RBFOX1: variants seen among roughly 807,000 people sequenced by gnomAD.
The protein encoded by RBFOX1 is RNA binding fox-1 homolog 1.
A neutral mutation model predicts 57.7 loss-of-function variants in RBFOX1; 8 were observed. The observed-to-expected ratio is 0.14, with a 90% CI of 0.08 to 0.25. RBFOX1 has a LOEUF of 0.25. Ranked by LOEUF, RBFOX1 falls within the 10% of genes least tolerant of loss-of-function variation. The pLI is 1.00. For synonymous variants in RBFOX1, 326 were observed against 222.4 expected (o/e 1.47, Z -4.15); for missense variants, 611 against 548.5 (o/e 1.11, Z -1.14).
chr16:6,092,975 C>T (rs529251941), intron 1 of RBFOX1: 4 of 152,122 alleles, frequency 2.6e-5, no homozygotes, highest in Non-Finnish European at 5.9e-5. Context: ...ATGTTTATCA[C>T]CTGGGTGACA....
chr16:7,306,167 G>C (rs988893059), intron 4 of RBFOX1, among the ~76,000 whole-genome samples: 1 of 152,010 alleles, frequency 6.6e-6, no homozygotes, highest in South Asian at 2.1e-4. Flanking sequence ...GGTGGTGTTT[G>C]TGTTTTTTTC....
chr16:6,810,669 C>T (rs1374500313), intron 3 of RBFOX1, among the ~76,000 whole-genome samples: 1 of 151,956 alleles, frequency 6.6e-6, no homozygotes, highest in African/African-American at 2.4e-5. Context: ...TTCCACATGG[C>T]TGGGAAGTCC....
At chr16:5,807,860 A>T (rs2055283966) in intron 3 of RBFOX1, among the ~76,000 whole-genome samples, 2 of 152,164 alleles carry the variant, frequency 1.3e-5, no homozygotes, top group African/African-American at 4.8e-5. Flanking sequence ...TCTGGACCAC[A>T]CTTTGAGGAG....
intron 3 of RBFOX1, among the ~76,000 whole-genome samples, chr16:5,654,767 T>G (rs2049369847): frequency 6.6e-6 from 1 of 151,706 alleles, no homozygotes; most frequent in Non-Finnish European, 1.5e-5. Context: ...TTTCCCTTCC[T>G]CCTTCCTCCT....
At position 6,637,300 on chromosome 16, in the gene RBFOX1, CA is replaced by C. The variant is rs1178704449; in HGVS notation, c.-63-17300del. Among the ~76,000 whole-genome samples the C allele has an allele frequency of 4.8e-3, 246 of 50,746 alleles. 64 individuals are homozygous for C. The highest frequency in any genetic ancestry group is 0.029 in the African/African-American group (241 of 8,416). The allele number at this position is 50,746 out of a possible 152,430, so 33.3% of individuals were successfully genotyped here. On this transcript the variant is annotated intron_variant, in intron 2 of 15. Transcript: ENST00000550418. The stretch of plus-strand genomic sequence containing the variant: ...TATATTATATATAATATATAATATA[CA>C]AATATATATTATATATTATATATAT...
chr16:7,162,567 TA>T lies in RBFOX1; in HGVS notation c.27+110488del, dbSNP rs1176692946. 6.8e-3 allele frequency among the ~76,000 whole-genome samples: 731 copies of T among 107,798 alleles called. 2 individuals are homozygous for T. The highest frequency in any genetic ancestry group is 0.016 in the African/African-American group (491 of 30,780). 70.7% of individuals were successfully genotyped at this position (107,798 alleles called of 152,430 possible). A position where few individuals can be genotyped will look rare whatever the true frequency, so the allele number is the denominator to read the frequency against. On this transcript the variant is annotated intron_variant, in intron 4 of 15. Transcript: ENST00000550418. ...CAACATGGTGAAACCCTGTCTCTAC[TA>T]AAAAAAAAAAAAAAAAAACATTGCC...
intron 4 of RBFOX1, among the ~76,000 whole-genome samples, chr16:5,968,401 A>G (rs2059894267): frequency 2.0e-5 from 3 of 152,116 alleles, no homozygotes; most frequent in Admixed American, 6.6e-5. Flanking sequence ...GGGGACGATC[A>G]ATGAGGATTC....
intron 3 of RBFOX1, among the ~76,000 whole-genome samples, chr16:5,813,158 C>T (rs889005234): frequency 6.6e-5 from 10 of 152,114 alleles, no homozygotes; most frequent in South Asian, 2.1e-4. Context: ...CAGGCGCATG[C>T]CACCGCACCT....
At chr16:5,863,495 C>A (rs1221998125) in intron 3 of RBFOX1, among the ~76,000 whole-genome samples, 1 of 152,208 alleles carries the variant, frequency 6.6e-6, no homozygotes, top group Non-Finnish European at 1.5e-5. Context: ...GCGGTACGGT[C>A]TGGCTTGCCC....
intron 2 of RBFOX1, among the ~76,000 whole-genome samples, chr16:5,576,261 G>A (rs1162474143): frequency 6.6e-6 from 1 of 152,158 alleles, no homozygotes; most frequent in Non-Finnish European, 1.5e-5. Context: ...CCAAAGTGTT[G>A]GGATTACAGG....
intron 3 of RBFOX1, among the ~76,000 whole-genome samples, chr16:6,709,257 G>C (rs908020567): frequency 6.6e-6 from 1 of 152,140 alleles, no homozygotes; most frequent in Non-Finnish European, 1.5e-5. Flanking sequence ...ACGAGCGGAT[G>C]CAATTATTTT....
At chr16:6,485,057 G>A (rs1272845881) in intron 2 of RBFOX1, among the ~76,000 whole-genome samples, 1 of 152,190 alleles carries the variant, frequency 6.6e-6, no homozygotes, top group East Asian at 1.9e-4. Context: ...AAGGGTGTTT[G>A]TGGCATGGAG....
intron 4 of RBFOX1, among the ~76,000 whole-genome samples, chr16:7,407,034 A>G (rs1197132835): frequency 6.6e-6 from 1 of 152,132 alleles, no homozygotes. Context: ...ATAATCAAAG[A>G]TAATCTCCCC....
At chr16:6,821,877 C>G (rs757740232) in intron 3 of RBFOX1, among the ~76,000 whole-genome samples, 1 of 152,058 alleles carries the variant, frequency 6.6e-6, no homozygotes, top group African/African-American at 2.4e-5. Context: ...TGGGTATATA[C>G]CTAGGCATGA....
chr16:6,691,213 C>T (rs1374973774), intron 3 of RBFOX1, among the ~76,000 whole-genome samples: 1 of 152,170 alleles, frequency 6.6e-6, no homozygotes, highest in African/African-American at 2.4e-5. Context: ...TCACTCCCAT[C>T]AGAGGATGGT....
At chr16:7,237,727 A>T (rs1882585) in intron 4 of RBFOX1, among the ~76,000 whole-genome samples, 5 of 151,986 alleles carry the variant, frequency 3.3e-5, no homozygotes, top group Non-Finnish European at 7.4e-5. Flanking sequence ...ATTCTGGCCG[A>T]CTGTGTGGTG....
intron 3 of RBFOX1, among the ~76,000 whole-genome samples, chr16:6,666,540 CAA>C (rs35935992): frequency 0.026 from 2,105 of 81,392 alleles, 28 homozygotes; most frequent in African/African-American, 0.07. Context: ...ACTCTGTCTC[CAA>C]AAAAAAAAAA....
intron 4 of RBFOX1, among the ~76,000 whole-genome samples, chr16:7,337,095 C>A (rs1466649864): frequency 1.3e-5 from 2 of 152,106 alleles, no homozygotes; most frequent in African/African-American, 4.8e-5. Context: ...TGCAGTCATG[C>A]CTTTAATTCC....
Position 6,670,736 on chromosome 16 carries a change from G to A in RBFOX1, c.-16+16086G>A, listed in dbSNP as rs557206123. 6.6e-5 allele frequency among the ~76,000 whole-genome samples: 10 copies of A among 152,188 alleles called. No individual in the cohort carries two copies. In the South Asian group the frequency reaches 1.9e-3, roughly 28 times the overall value. On this transcript the variant is annotated intron_variant, in intron 3 of 15. Transcript: ENST00000550418. ...CTTATGGCCGGGCACGGTGGTTCAC[G>A]CCTGTAATCCCAGCACTCTGGGAGG... is the stretch of plus-strand genomic sequence containing the variant.
Sources: gnomAD v4.1 joint callset for allele counts (sites outside exome capture counted in the v4.1 genomes callset) on GRCh38, gnomAD v4.1.1 for gene constraint, MANE v1.5 for transcripts, NCBI Gene and HGNC (gene_info 2026-07-23, HGNC 2026-07-21) for gene names.